DLG2: variants seen among roughly 807,000 people sequenced by gnomAD.
The protein encoded by DLG2 is discs large MAGUK scaffold protein 2, also known as disks large homolog 2.
DLG2 carries 45 observed loss-of-function variants against 132.5 expected under a neutral mutation model. The ratio of observed to expected loss-of-function variants is 0.34; its 90% CI spans 0.27 to 0.44. The LOEUF (loss-of-function observed/expected upper bound fraction) is 0.44, where lower values mean the gene tolerates loss of function less well. Among genes scored for constraint, DLG2 ranks in the 20% least tolerant of loss-of-function variants. The pLI is 1.00. For missense variants in DLG2, 1,045 were observed against 1,196.9 expected, an observed-to-expected ratio of 0.87 and a Z score of 1.87; for synonymous variants, 424 against 419.6, an observed-to-expected ratio of 1.01 and a Z score of -0.13.
chr11:84,688,949 T>A (rs865796075), intron 6 of DLG2, among the ~76,000 whole-genome samples: 5 of 152,176 alleles, frequency 3.3e-5, no homozygotes, highest in African/African-American at 7.2e-5. Flanking sequence ...AATCAACTGA[T>A]CCTGAATTTG....
At chr11:85,424,150 G>C (rs2090535278) in intron 3 of DLG2, among the ~76,000 whole-genome samples, 1 of 152,186 alleles carries the variant, frequency 6.6e-6, no homozygotes, top group Admixed American at 6.5e-5. Context: ...TCCAGGTAAG[G>C]TCAATATCGT....
At chr11:84,471,136 C>A (rs2099107371) in intron 7 of DLG2, among the ~76,000 whole-genome samples, 1 of 151,684 alleles carries the variant, frequency 6.6e-6, no homozygotes, top group Non-Finnish European at 1.5e-5. Context: ...TTCTGGCAAC[C>A]CAGATGGAAC....
chr11:83,931,252 G>T (rs1049201555), intron 14 of DLG2, among the ~76,000 whole-genome samples: 1 of 152,198 alleles, frequency 6.6e-6, no homozygotes, highest in Admixed American at 6.5e-5. Flanking sequence ...ACCACTTGGA[G>T]AAATTTCTGC....
intron 7 of DLG2, among the ~76,000 whole-genome samples, chr11:84,497,006 T>C (rs1303587730): frequency 6.6e-6 from 1 of 152,152 alleles, no homozygotes; most frequent in Non-Finnish European, 1.5e-5. Context: ...GTTTGCCTTT[T>C]CCCTTCATTA....
At position 83,728,287 on chromosome 11, in the gene DLG2, C is replaced by T. The variant is rs78242816; in HGVS notation, c.1825+58403G>A. 2.4e-3 allele frequency among the ~76,000 whole-genome samples: 363 copies of T among 152,306 alleles called. 12 individuals are homozygous for T. The East Asian group carries it at 0.064, about 27-fold the overall frequency. On this transcript the variant is annotated intron_variant, in intron 18 of 27. Coordinates refer to ENST00000376104, the MANE Select transcript of DLG2 (RefSeq NM_001142699.3). ...TGCTGACTCCCCATCAACTAAAGCGCAAAGCCCATGTTTTTAGTAAAGCAC... is the reference window on the plus strand; with the variant it reads ...TGCTGACTCCCCATCAACTAAAGCGTAAAGCCCATGTTTTTAGTAAAGCAC...
intron 6 of DLG2, among the ~76,000 whole-genome samples, chr11:84,537,109 AC>A (rs2099357380): frequency 2.0e-5 from 3 of 151,898 alleles, no homozygotes; most frequent in East Asian, 3.9e-4. Flanking sequence ...CTTCTGAATT[AC>A]TTTTTTTTTT....
At chr11:84,790,990 G>A (rs1233500277) in intron 6 of DLG2, among the ~76,000 whole-genome samples, 1 of 152,120 alleles carries the variant, frequency 6.6e-6, no homozygotes, top group Non-Finnish European at 1.5e-5. Context: ...CCTGAGACTG[G>A]GTAACTTATA....
intron 6 of DLG2, among the ~76,000 whole-genome samples, chr11:84,991,013 A>G (rs567437507): frequency 1.3e-5 from 2 of 152,316 alleles, no homozygotes; most frequent in African/African-American, 4.8e-5. Flanking sequence ...GTATATCCAC[A>G]CCATGGGATG....
At chr11:84,838,534 T>C (rs1646834895) in intron 6 of DLG2, among the ~76,000 whole-genome samples, 1 of 151,918 alleles carries the variant, frequency 6.6e-6, no homozygotes, top group South Asian at 2.1e-4. Context: ...ACAAAGAAAT[T>C]TGGCAATATG....
chr11:83,871,086 C>A (rs1565428231), intron 16 of DLG2, among the ~76,000 whole-genome samples: 1 of 152,194 alleles, frequency 6.6e-6, no homozygotes. Context: ...TTGATGCCCC[C>A]TTCTATTTCC....
At chr11:85,608,787 T>C (rs1356222193) in intron 2 of DLG2, among the ~76,000 whole-genome samples, 1 of 152,214 alleles carries the variant, frequency 6.6e-6, no homozygotes, top group Non-Finnish European at 1.5e-5. Flanking sequence ...AGTTTTCAGA[T>C]GGTCCTGATA....
intron 18 of DLG2, among the ~76,000 whole-genome samples, chr11:83,671,677 C>A (rs1413719580): frequency 6.6e-6 from 1 of 152,124 alleles, no homozygotes; most frequent in Admixed American, 6.5e-5. Flanking sequence ...TTTGTTTCAT[C>A]AATATCCCTA....
At chr11:84,539,656 A>C (rs1262355905) in intron 6 of DLG2, among the ~76,000 whole-genome samples, 1 of 152,138 alleles carries the variant, frequency 6.6e-6, no homozygotes, top group Non-Finnish European at 1.5e-5. Flanking sequence ...CTTGGGCAGT[A>C]TGGCCATTTT....
intron 6 of DLG2, among the ~76,000 whole-genome samples, chr11:84,699,388 T>C (rs567223342): frequency 3.3e-5 from 5 of 151,672 alleles, no homozygotes; most frequent in African/African-American, 9.6e-5. Flanking sequence ...TTAATTTAAC[T>C]AATATTAATA....
At chr11:84,981,077 T>G (rs1049559575) in intron 6 of DLG2, among the ~76,000 whole-genome samples, 1 of 152,186 alleles carries the variant, frequency 6.6e-6, no homozygotes, top group Non-Finnish European at 1.5e-5. Context: ...TGCATCTATA[T>G]TACTGGTATT....
At chr11:84,776,930 T>A (rs1456784808) in intron 6 of DLG2, among the ~76,000 whole-genome samples, 1 of 152,072 alleles carries the variant, frequency 6.6e-6, no homozygotes, top group Admixed American at 6.6e-5. Context: ...GGTAGAAGTG[T>A]AATTTTGTTA....
chr11:84,357,615 G>T (rs180758882), intron 7 of DLG2, among the ~76,000 whole-genome samples: 4 of 152,006 alleles, frequency 2.6e-5, no homozygotes, highest in Non-Finnish European at 5.9e-5. Context: ...GCTAAAAGTA[G>T]AGGGGGCAGA....
intron 7 of DLG2, among the ~76,000 whole-genome samples, chr11:84,488,531 T>A (rs149033450): frequency 2.0e-5 from 3 of 152,056 alleles, no homozygotes; most frequent in African/African-American, 7.2e-5. Flanking sequence ...AGCCCTGAGA[T>A]TTGTATGTAT....
intron 7 of DLG2, among the ~76,000 whole-genome samples, chr11:84,399,788 T>A (rs2098823299): frequency 6.6e-6 from 1 of 152,236 alleles, no homozygotes; most frequent in African/African-American, 2.4e-5. Flanking sequence ...TTTGTTTGTT[T>A]GTTTTTTGGT....
Sources: allele counts gnomAD v4.1 joint callset (sites outside exome capture counted in the v4.1 genomes callset), GRCh38; gene constraint gnomAD v4.1.1; transcripts MANE v1.5; gene names NCBI Gene and HGNC (gene_info 2026-07-23, HGNC 2026-07-21).